The following OSBPL1A variants were observed in gnomAD, a reference collection of about 807,000 sequenced individuals.
The protein encoded by OSBPL1A is oxysterol binding protein like 1A, also known as oxysterol-binding protein-related protein 1.
In OSBPL1A, 80 loss-of-function variants were observed where a neutral mutation model predicts 137.1. That is an observed-to-expected ratio of 0.58 (90% confidence interval 0.49 to 0.70). The LOEUF (loss-of-function observed/expected upper bound fraction) is 0.70. Ranked by LOEUF, OSBPL1A falls within the 30% of genes least tolerant of loss-of-function variation. OSBPL1A has a pLI of 0.00. For synonymous variants in OSBPL1A, 365 were observed against 389.7 expected, an observed-to-expected ratio of 0.94 and a Z score of 0.75; for missense variants, 970 against 1,129.4, an observed-to-expected ratio of 0.86 and a Z score of 2.02.
intron 21 of OSBPL1A, among the ~76,000 whole-genome samples, chr18:24,175,114 A>ATATATATATATATATG: frequency 3.3e-5 from 1 of 30,320 alleles, no homozygotes; most frequent in African/African-American, 6.2e-5. Flanking sequence ...GTATGTATAT[A>ATATATATATATATATG]TATATATATA....
At chr18:24,202,535 T>C (rs755417204) in intron 17 of OSBPL1A, among the ~76,000 whole-genome samples, 31 of 152,116 alleles carry the variant, frequency 2.0e-4, no homozygotes, top group Non-Finnish European at 1.3e-4. Context: ...AAGTCTAACA[T>C]TGGTCATGTG....
intron 15 of OSBPL1A, among the ~76,000 whole-genome samples, chr18:24,242,735 T>C (rs565162702): frequency 6.6e-6 from 1 of 152,126 alleles, no homozygotes; most frequent in South Asian, 2.1e-4. Context: ...ATTACAGCTG[T>C]GATAATGAAA....
chr18:24,180,158 G>C (rs1599445242), intron 19 of OSBPL1A, among the ~76,000 whole-genome samples: 1 of 152,178 alleles, frequency 6.6e-6, no homozygotes, highest in South Asian at 2.1e-4. Context: ...TTAAAAGTAT[G>C]ACACTCCAGG....
At chr18:24,332,664 G>A (rs1450575825) in intron 7 of OSBPL1A, among the ~76,000 whole-genome samples, 1 of 151,862 alleles carries the variant, frequency 6.6e-6, no homozygotes, top group Non-Finnish European at 1.5e-5. Context: ...TTTCCCCTAG[G>A]AACAATAGTT....
intron 14 of OSBPL1A, among the ~76,000 whole-genome samples, chr18:24,287,099 C>A (rs2090078208): frequency 6.6e-6 from 1 of 152,112 alleles, no homozygotes; most frequent in Non-Finnish European, 1.5e-5. Context: ...GAGAAGCCAG[C>A]AGAACTACAG....
chr18:24,390,286 A>G (rs1275720181), intron 1 of OSBPL1A, among the ~76,000 whole-genome samples: 1 of 152,258 alleles, frequency 6.6e-6, no homozygotes, highest in Non-Finnish European at 1.5e-5. Context: ...ACTAAAAGCA[A>G]GGAATCAAAC....
chr18:24,260,834 A>G (rs1203541270), intron 15 of OSBPL1A, among the ~76,000 whole-genome samples: 3 of 117,000 alleles, frequency 2.6e-5, no homozygotes, highest in Non-Finnish European at 5.7e-5. Context: ...GTTTAAAAGA[A>G]CTCAAAAAAA....
At chr18:24,214,466 G>A (rs1217361324) in intron 17 of OSBPL1A, among the ~76,000 whole-genome samples, 2 of 152,160 alleles carry the variant, frequency 1.3e-5, no homozygotes, top group Non-Finnish European at 2.9e-5. Flanking sequence ...AATTTTGTTG[G>A]TTGGGGAGGG....
intron 1 of OSBPL1A, among the ~76,000 whole-genome samples, chr18:24,379,074 T>C (rs1906398206): frequency 6.6e-6 from 1 of 151,724 alleles, no homozygotes; most frequent in South Asian, 2.1e-4. Context: ...TTCTGTCCTG[T>C]AACAAAAACA....
At chr18:24,287,972 G>C (rs969552085) in intron 14 of OSBPL1A, among the ~76,000 whole-genome samples, 1 of 152,058 alleles carries the variant, frequency 6.6e-6, no homozygotes, top group Non-Finnish European at 1.5e-5. Flanking sequence ...GCCTGAATAG[G>C]GGCAACTGTT....
rs1165993271 is a variant in OSBPL1A, at chr18:24,310,556, C to T, written c.1092+1428G>A. Among the ~76,000 whole-genome samples the T allele has an allele frequency of 8.4e-5, 12 of 142,644 alleles. 2 individuals carry two copies. In the East Asian group the frequency reaches 2.0e-3, roughly 24 times the overall value. 93.6% of individuals were successfully genotyped at this position (142,644 alleles called of 152,430 possible). On this transcript the variant is annotated intron_variant, in intron 13 of 27. Coordinates refer to ENST00000319481, the MANE Select transcript of OSBPL1A (RefSeq NM_080597.4). ...GGTGGAACTTGCAGTGAGCCGAGATCGCGCCACTGAACTCCAGCCTGGGCG... is the reference window on the plus strand; with the variant it reads ...GGTGGAACTTGCAGTGAGCCGAGATTGCGCCACTGAACTCCAGCCTGGGCG...
intron 21 of OSBPL1A, among the ~76,000 whole-genome samples, chr18:24,177,147 G>T (rs748385551): frequency 3.3e-5 from 5 of 152,216 alleles, no homozygotes; most frequent in Non-Finnish European, 7.3e-5. Context: ...TGAGGTACGT[G>T]TGTGATTGCC....
At chr18:24,331,725 C>T (rs1431942732) in intron 7 of OSBPL1A, among the ~76,000 whole-genome samples, 1 of 151,714 alleles carries the variant, frequency 6.6e-6, no homozygotes, top group Admixed American at 6.6e-5. Flanking sequence ...ACCCAAGACA[C>T]CTTTTATAGC....
intron 14 of OSBPL1A, among the ~76,000 whole-genome samples, chr18:24,303,290 T>G (rs1425951038): frequency 6.6e-6 from 1 of 152,176 alleles, no homozygotes; most frequent in Non-Finnish European, 1.5e-5. Context: ...CATGAGCCAC[T>G]GCGCCAGGCC....
intron 1 of OSBPL1A, among the ~76,000 whole-genome samples, chr18:24,385,556 G>A (rs1312272192): frequency 6.6e-6 from 1 of 152,170 alleles, no homozygotes; most frequent in Non-Finnish European, 1.5e-5. Context: ...GACCAAGAGT[G>A]GAGAGGGGAC....
chr18:24,218,889 A>T (rs1323566561), intron 17 of OSBPL1A, among the ~76,000 whole-genome samples: 1 of 152,216 alleles, frequency 6.6e-6, no homozygotes, highest in East Asian at 1.9e-4. Flanking sequence ...AATGTGCGGT[A>T]TATATATTTC....
intron 4 of OSBPL1A, among the ~76,000 whole-genome samples, chr18:24,365,635 G>T (rs536927850): frequency 6.6e-6 from 1 of 151,900 alleles, no homozygotes; most frequent in Non-Finnish European, 1.5e-5. Context: ...CTAGAGAAAG[G>T]AAACAATTCA....
intron 1 of OSBPL1A, among the ~76,000 whole-genome samples, chr18:24,391,262 A>ATGGTGGT (rs1359718481): frequency 1.3e-5 from 2 of 152,182 alleles, no homozygotes; most frequent in Non-Finnish European, 2.9e-5. Flanking sequence ...AAAACATAGA[A>ATGGTGGT]TGGTGGTTGC....
chr18:24,213,575 A>G (rs2087606983), intron 17 of OSBPL1A, among the ~76,000 whole-genome samples: 1 of 152,102 alleles, frequency 6.6e-6, no homozygotes, highest in African/African-American at 2.4e-5. Flanking sequence ...CAAAATGATA[A>G]TAATAATAAT....
Sources: allele counts gnomAD v4.1 joint callset (sites outside exome capture counted in the v4.1 genomes callset), GRCh38; gene constraint gnomAD v4.1.1; transcripts MANE v1.5; gene names NCBI Gene and HGNC (gene_info 2026-07-23, HGNC 2026-07-21).